The following STS variants were observed in gnomAD, a reference collection of about 807,000 sequenced individuals.
The protein encoded by STS is steryl-sulfatase.
A neutral mutation model predicts 26.8 loss-of-function variants in STS; 7 were observed. That is an observed-to-expected ratio of 0.26 (90% CI 0.15 to 0.49). The LOEUF is 0.49. Ranked by LOEUF, STS falls within the 20% of genes least tolerant of loss-of-function variation. The pLI, the probability that STS is intolerant of heterozygous loss-of-function variation, is 0.98. For missense variants in STS, 434 were observed against 465.6 expected, an observed-to-expected ratio of 0.93 and a Z score of 0.63; for synonymous variants, 199 against 189.4, an observed-to-expected ratio of 1.05 and a Z score of -0.42.
intron 6 of STS, among the ~76,000 whole-genome samples, chrX:7,268,219 C>G (rs1226855122): frequency 8.9e-6 from 1 of 112,339 alleles, no homozygotes; most frequent in Non-Finnish European, 1.9e-5. Context: ...ATACTCCTTT[C>G]TACAAGCATT....
At chrX:7,266,517 C>T (rs1383888585) in intron 6 of STS, among the ~76,000 whole-genome samples, 1 of 111,809 alleles carries the variant, frequency 8.9e-6, no homozygotes, top group Non-Finnish European at 1.9e-5. Context: ...ATCCCTCACC[C>T]TAATTGACTC....
chrX:7,287,468 A>G (rs1925191210), intron 7 of STS, among the ~76,000 whole-genome samples: 1 of 111,059 alleles, frequency 9.0e-6, no homozygotes, highest in Admixed American at 9.6e-5. Context: ...CCAGTATGAC[A>G]TATTAATATC....
rs1315240711 is a variant in STS at position 7,353,492 on chromosome X, T to G, written c.*3231T>G. On this transcript the variant is annotated 3_prime_UTR_variant, in exon 11 of 11. Transcript: ENST00000674429. ...ATATATTTAATATGTTTTGCCTTTGTGGCCCATGAAAGTCTTACTGGGCCC... is the reference window on the plus strand; with the variant it reads ...ATATATTTAATATGTTTTGCCTTTGGGGCCCATGAAAGTCTTACTGGGCCC... 38 of 111,009 alleles carry G rather than the reference T, an allele frequency of 3.4e-4. No individual in the cohort carries two copies. The highest frequency in any genetic ancestry group is 9.4e-5 in the Non-Finnish European group (5 of 53,021). The allele number at this position is 111,009 out of a possible 1,213,427, so 9.1% of individuals were successfully genotyped here.
At chrX:7,323,435 C>G (rs1439891001) in intron 8 of STS, among the ~76,000 whole-genome samples, 16 of 111,036 alleles carry the variant, frequency 1.4e-4, no homozygotes, top group East Asian at 5.7e-4. Flanking sequence ...TTTATGAGTA[C>G]TGAATGTTTA....
At chrX:7,325,214 T>C (rs963582562) in intron 8 of STS, 125 bp from the exon 9 acceptor site, 1 of 707,659 alleles carries the variant, frequency 1.4e-6, no homozygotes. Flanking sequence ...GGAATACTCA[T>C]AGATGGAATC....
chrX:7,160,918 T>A (rs1308931435), intron 1 of STS, among the ~76,000 whole-genome samples: 4 of 111,753 alleles, frequency 3.6e-5, no homozygotes, highest in Middle Eastern at 4.2e-3. Flanking sequence ...ATCTCTCAGT[T>A]TATCCTCAGG....
At chrX:7,228,272 C>A (rs1002894533) in intron 2 of STS, among the ~76,000 whole-genome samples, 17 of 111,492 alleles carry the variant, frequency 1.5e-4, no homozygotes, top group South Asian at 3.8e-4. Flanking sequence ...CAAGGTAGTT[C>A]CATTTTTTAA....
intron 7 of STS, 45 bp downstream of exon 7, chrX:7,276,132 G>A (rs1924524994): frequency 8.4e-7 from 1 of 1,197,033 alleles, no homozygotes. Flanking sequence ...CTAAGTCTTT[G>A]CCTCCTTGTG....
chrX:7,272,315 A>G (rs748197922), intron 6 of STS, among the ~76,000 whole-genome samples: 1 of 108,950 alleles, frequency 9.2e-6, no homozygotes, highest in African/African-American at 3.3e-5. Flanking sequence ...GAGACTTAGG[A>G]GAGAAGTTCT....
chrX:7,175,129 C>T (rs889271638), intron 1 of STS, among the ~76,000 whole-genome samples: 1 of 92,488 alleles, frequency 1.1e-5, no homozygotes, highest in Non-Finnish European at 2.1e-5. Context: ...ATTCCAGAAT[C>T]AGAAAACCTA....
intron 8 of STS, among the ~76,000 whole-genome samples, chrX:7,308,932 C>T (rs781773652): frequency 8.9e-6 from 1 of 111,804 alleles, no homozygotes; most frequent in Admixed American, 9.5e-5. Context: ...GATTTAACAC[C>T]CTGTTTAAAA....
intron 1 of STS, among the ~76,000 whole-genome samples, chrX:7,170,863 C>G (rs1234513447): frequency 2.7e-5 from 3 of 111,154 alleles, no homozygotes; most frequent in Admixed American, 1.9e-4. Context: ...CAAAGGCCTC[C>G]AAGAGTCACT....
chrX:7,323,935 C>A, intron 8 of STS, among the ~76,000 whole-genome samples: 1 of 111,235 alleles, frequency 9.0e-6, no homozygotes, highest in Admixed American at 9.6e-5. Flanking sequence ...ACTTCTCTGA[C>A]TCCCTCTTTC....
chrX:7,204,309 T>C (rs1934141282), intron 2 of STS, among the ~76,000 whole-genome samples: 1 of 112,098 alleles, frequency 8.9e-6, no homozygotes, highest in Non-Finnish European at 1.9e-5. Context: ...AGGTTAAAAA[T>C]AGCATTTTCC....
intron 2 of STS, among the ~76,000 whole-genome samples, chrX:7,242,645 T>G (rs1489692467): frequency 1.8e-5 from 2 of 111,772 alleles, no homozygotes; most frequent in African/African-American, 6.5e-5. Context: ...CCTAAGTGTG[T>G]AGTTTTATCT....
chrX:7,193,451 CTTT>C (rs11385075), intron 2 of STS, among the ~76,000 whole-genome samples: 1 of 98,557 alleles, frequency 1.0e-5, no homozygotes, highest in Non-Finnish European at 2.0e-5. Context: ...CTTTAAGTAC[CTTT>C]TTTTTTTTTC....
chrX:7,189,790 A>G (rs781013453), intron 1 of STS, among the ~76,000 whole-genome samples: 25 of 111,641 alleles, frequency 2.2e-4, no homozygotes, highest in African/African-American at 8.1e-4. Flanking sequence ...AAATGAATCT[A>G]TTATACAAGT....
At position 7,259,937 on chromosome X, in the gene STS, G is replaced by A. The variant is rs2270111; in HGVS notation, c.806+165G>A. Among the ~76,000 whole-genome samples, 28,872 of 110,434 alleles carry A rather than the reference G, an allele frequency of 0.26. 2,923 individuals are homozygous for A. The highest frequency in any genetic ancestry group is 0.42 in the Admixed American group (4,413 of 10,461). On this transcript the variant is annotated intron_variant, in intron 6 of 10. Transcript: ENST00000674429. ...GTCGCCCAGGCTGGAGTGCAGTGGC[G>A]TGATCTCGGCTCACTGCAAGCTCTG...
intron 7 of STS, among the ~76,000 whole-genome samples, chrX:7,286,735 A>C (rs1925152288): frequency 8.9e-6 from 1 of 111,788 alleles, no homozygotes; most frequent in African/African-American, 3.3e-5. Context: ...GACAGTTTAA[A>C]AACCGCCAGT....
Sources: allele counts gnomAD v4.1 joint callset (sites outside exome capture counted in the v4.1 genomes callset), GRCh38; gene constraint gnomAD v4.1.1; transcripts MANE v1.5; gene names NCBI Gene and HGNC (gene_info 2026-07-23, HGNC 2026-07-21).